The following STPG2 variants were observed in gnomAD, a reference collection of about 807,000 sequenced individuals.
The protein encoded by STPG2 is sperm-tail PG-rich repeat-containing protein 2.
A neutral mutation model predicts 54.2 loss-of-function variants in STPG2; 56 were observed. That is an observed-to-expected ratio of 1.03 (90% CI 0.83 to 1.29). The LOEUF (loss-of-function observed/expected upper bound fraction) is 1.29, where lower values mean the gene tolerates loss of function less well. Among genes scored for constraint, STPG2 ranks in the 50% most tolerant of loss-of-function variants. The probability of loss-of-function intolerance (pLI) is 0.00; values close to 1 mark genes in which losing one functional copy is unlikely to be tolerated. For missense variants in STPG2, 596 were observed against 544.9 expected, an observed-to-expected ratio of 1.09 and a Z score of -0.93; for synonymous variants, 200 against 181.8, an observed-to-expected ratio of 1.10 and a Z score of -0.81.
intron 9 of STPG2, among the ~76,000 whole-genome samples, chr4:97,731,515 C>T (rs1177641595): frequency 6.6e-6 from 1 of 152,122 alleles, no homozygotes; most frequent in African/African-American, 2.4e-5. Flanking sequence ...AGAGATGAAG[C>T]CTAGGAAGCT....
chr4:98,107,559 G>A (rs1688657035), intron 4 of STPG2, among the ~76,000 whole-genome samples: 1 of 128,160 alleles, frequency 7.8e-6, no homozygotes, highest in Non-Finnish European at 1.7e-5. Flanking sequence ...GAATGAGAGT[G>A]GGACAAGGTT....
intron 10 of STPG2, among the ~76,000 whole-genome samples, chr4:97,601,660 A>T (rs1733465813): frequency 6.6e-6 from 1 of 151,910 alleles, no homozygotes; most frequent in Non-Finnish European, 1.5e-5. Flanking sequence ...CCATATATGC[A>T]TACATCTGTT....
At chr4:97,831,104 A>G (rs958080901) in intron 9 of STPG2, among the ~76,000 whole-genome samples, 1 of 152,216 alleles carries the variant, frequency 6.6e-6, no homozygotes, top group African/African-American at 2.4e-5. Context: ...TTATTCTAAA[A>G]TTGACCACAT....
chr4:97,763,387 A>G (rs1385235303), intron 9 of STPG2, among the ~76,000 whole-genome samples: 5 of 152,216 alleles, frequency 3.3e-5, no homozygotes, highest in African/African-American at 1.2e-4. Flanking sequence ...TCTACAAAAC[A>G]AGAAACAATT....
intron 10 of STPG2, 33 bp from the exon 11 acceptor site, chr4:97,559,150 A>T (rs1295664480): frequency 1.4e-6 from 2 of 1,391,608 alleles, no homozygotes; most frequent in East Asian, 2.3e-5. Context: ...AAAGGAGGAA[A>T]ACATCTACTT....
chr4:97,879,085 A>G (rs953901859), intron 8 of STPG2, among the ~76,000 whole-genome samples: 1 of 152,110 alleles, frequency 6.6e-6, no homozygotes, highest in Non-Finnish European at 1.5e-5. Flanking sequence ...CCAGTTCCCA[A>G]CAAGTTCCTC....
intron 4 of STPG2, among the ~76,000 whole-genome samples, chr4:97,458,897 G>A (rs1729590397): frequency 6.6e-6 from 1 of 151,958 alleles, no homozygotes; most frequent in African/African-American, 2.4e-5. Flanking sequence ...TAAATTCAAT[G>A]GATAATTCTG....
At chr4:98,101,788 A>G (rs1325604994) in intron 5 of STPG2, among the ~76,000 whole-genome samples, 1 of 152,026 alleles carries the variant, frequency 6.6e-6, no homozygotes, top group African/African-American at 2.4e-5. Flanking sequence ...GAACTCTAAC[A>G]TTTACCCTCA....
At chr4:97,847,379 G>T (rs116687919) in intron 8 of STPG2, among the ~76,000 whole-genome samples, 375 of 152,108 alleles carry the variant, frequency 2.5e-3, no homozygotes, top group African/African-American at 8.7e-3. Context: ...ATAGGAAAAA[G>T]TATTTTAATA....
chr4:97,791,732 A>C (rs1726997348), intron 9 of STPG2, among the ~76,000 whole-genome samples: 1 of 152,194 alleles, frequency 6.6e-6, no homozygotes, highest in Admixed American at 6.5e-5. Context: ...GTAATCATAT[A>C]AAAACTATTT....
intron 9 of STPG2, among the ~76,000 whole-genome samples, chr4:97,736,842 C>T (rs1725016878): frequency 6.6e-6 from 1 of 152,178 alleles, no homozygotes; most frequent in South Asian, 2.1e-4. Context: ...TGTCTGACAG[C>T]TTTGAAGAGA....
intron 10 of STPG2, among the ~76,000 whole-genome samples, chr4:97,710,086 T>C (rs551968179): frequency 3.5e-4 from 52 of 149,778 alleles, no homozygotes; most frequent in Admixed American, 6.1e-4. Flanking sequence ...AGTGAACTTT[T>C]ATAGATTAAT....
chr4:97,962,632 C>T (rs754767303), intron 7 of STPG2, among the ~76,000 whole-genome samples: 11 of 152,136 alleles, frequency 7.2e-5, no homozygotes, highest in Admixed American at 2.0e-4. Flanking sequence ...AGCAAATTTA[C>T]TGAGTCCTTA....
At chr4:97,443,537 G>A (rs1217203945) in intron 4 of STPG2, among the ~76,000 whole-genome samples, 1 of 152,102 alleles carries the variant, frequency 6.6e-6, no homozygotes, top group African/African-American at 2.4e-5. Flanking sequence ...TTGGAGAAGG[G>A]ACTCTAGTTA....
chr4:97,477,643 A>ATTTTTT (rs561080941), intron 4 of STPG2, among the ~76,000 whole-genome samples: 444 of 141,174 alleles, frequency 3.1e-3, no homozygotes, highest in South Asian at 0.015. Context: ...TGCCCGGCTA[A>ATTTTTT]TTTTTTTTTT....
At chr4:97,638,992 TG>T (rs1191835124) in intron 10 of STPG2, among the ~76,000 whole-genome samples, 1 of 151,842 alleles carries the variant, frequency 6.6e-6, no homozygotes, top group African/African-American at 2.4e-5. Context: ...ATCCCATTAC[TG>T]GGTATATACC....
At chr4:97,882,116 T>A (rs11729753) in intron 8 of STPG2, among the ~76,000 whole-genome samples, 59,478 of 151,594 alleles carry the variant, frequency 0.39, 11,747 homozygotes, top group Middle Eastern at 0.46. Context: ...CATAAGCTGG[T>A]ATGAGAAATT....
At chr4:97,477,598 T>G (rs1179091291) in intron 4 of STPG2, among the ~76,000 whole-genome samples, 3 of 148,976 alleles carry the variant, frequency 2.0e-5, no homozygotes, top group South Asian at 4.5e-4. Context: ...TGCCTCAGCC[T>G]CCCAAGTAGC....
chr4:97,822,073 C>G (rs1392294701), intron 9 of STPG2, among the ~76,000 whole-genome samples: 1 of 152,176 alleles, frequency 6.6e-6, no homozygotes, highest in Non-Finnish European at 1.5e-5. Flanking sequence ...ATTTTCCAAA[C>G]TTTTATGCTC....
Sources: gnomAD v4.1 joint callset for allele counts (sites outside exome capture counted in the v4.1 genomes callset) on GRCh38, gnomAD v4.1.1 for gene constraint, MANE v1.5 for transcripts, NCBI Gene and HGNC (gene_info 2026-07-23, HGNC 2026-07-21) for gene names.